Variants in USH2A observed in about 807,000 individuals in gnomAD.
USH2A encodes the protein Usher syndrome 2A (autosomal recessive, mild).
A neutral mutation model predicts 538.9 loss-of-function variants in USH2A; 443 were observed. That is an observed-to-expected ratio of 0.82 (90% CI 0.76 to 0.89). The LOEUF (loss-of-function observed/expected upper bound fraction) is 0.89, where lower values mean the gene tolerates loss of function less well. Among genes scored for constraint, USH2A ranks in the 40% least tolerant of loss-of-function variants. USH2A has a pLI of 0.00. For synonymous variants in USH2A, 2,413 were observed against 2,273.5 expected, an observed-to-expected ratio of 1.06 and a Z score of -1.75; for missense variants, 6,633 against 6,324.8, an observed-to-expected ratio of 1.05 and a Z score of -1.65.
At chr1:215,927,435 A>G (rs1165748407) in intron 38 of USH2A, among the ~76,000 whole-genome samples, 1 of 152,154 alleles carries the variant, frequency 6.6e-6, no homozygotes, top group Non-Finnish European at 1.5e-5. Context: ...ACTTGGCCCT[A>G]TATAACAAGA....
At chr1:215,933,905 C>A (rs1666426900) in intron 38 of USH2A, among the ~76,000 whole-genome samples, 1 of 152,002 alleles carries the variant, frequency 6.6e-6, no homozygotes, top group Non-Finnish European at 1.5e-5. Flanking sequence ...CCATCCATGT[C>A]AACCCTAGAG....
At chr1:216,066,215 A>G (rs188537909) in intron 30 of USH2A, among the ~76,000 whole-genome samples, 14 of 152,170 alleles carry the variant, frequency 9.2e-5, no homozygotes, top group Non-Finnish European at 1.6e-4. Context: ...TCACGCCTGT[A>G]ATCCCAGCAC....
chr1:216,260,290 G>A (rs761538005), intron 11 of USH2A, among the ~76,000 whole-genome samples: 10 of 152,156 alleles, frequency 6.6e-5, no homozygotes, highest in Non-Finnish European at 1.3e-4. Context: ...TACAGCTTGA[G>A]TGCTAGCTGA....
At chr1:215,630,226 C>G (rs1363023058) in intron 70 of USH2A, 1 of 460,960 alleles carries the variant, frequency 2.2e-6, no homozygotes, top group Non-Finnish European at 4.4e-6. Flanking sequence ...GGTGACATTG[C>G]TTGACACATC....
intron 3 of USH2A, among the ~76,000 whole-genome samples, chr1:216,411,547 C>T (rs887409933): frequency 7.2e-5 from 11 of 152,256 alleles, no homozygotes; most frequent in African/African-American, 2.4e-4. Flanking sequence ...CAGACAGAGG[C>T]TGGAGTGATG....
At chr1:216,084,652 G>T (rs1476042461) in intron 25 of USH2A, 46 bp downstream of exon 25, 23 of 1,595,572 alleles carry the variant, frequency 1.4e-5, no homozygotes, top group Non-Finnish European at 1.9e-5. Context: ...ACAAAGGATA[G>T]AACATAGATT....
Position 215,884,095 on chromosome 1 carries a change from C to A in USH2A, c.8223+4331G>T, listed in dbSNP as rs1328397332. 2.6e-5 allele frequency among the ~76,000 whole-genome samples: 4 copies of A among 152,180 alleles called. No individual in the cohort carries two copies. The East Asian group carries it at 5.8e-4, about 22-fold the overall frequency. ...GGGTGGAGGGTAACGGGAGGGAGAGCATTAGGACAAATAACTAATGCATGC... is the reference window on the plus strand; with the variant it reads ...GGGTGGAGGGTAACGGGAGGGAGAGAATTAGGACAAATAACTAATGCATGC... On this transcript the variant is annotated intron_variant, in intron 41 of 71. Transcript: ENST00000307340.
Position 216,089,023 on chromosome 1 carries a change from C to T in USH2A, c.4875G>A (p.Gly1625=), listed in dbSNP as rs779081953. The T allele has an allele frequency of 1.9e-6, 3 of 1,613,334 alleles. No homozygotes were observed. In the South Asian group the frequency reaches 3.3e-5, roughly 18 times the overall value. The change falls in exon 23 of 72, where the codon GGG becomes GGA. Residue 1625 remains glycine, a synonymous_variant. Transcript: ENST00000307340. ...TCAAAAAGTACTTACCTGTATATAT[C>T]CCATCCAGAGTGATTTGGCCAAAAG... The part of the protein sequence containing the change: ...HQAFGQITLD[G]IYTGSSAILN...
At chr1:216,180,701 A>G (rs1239108607) in intron 20 of USH2A, among the ~76,000 whole-genome samples, 1 of 152,114 alleles carries the variant, frequency 6.6e-6, no homozygotes, top group East Asian at 1.9e-4. Flanking sequence ...TATGATGATG[A>G]CAAGAATTTA....
intron 64 of USH2A, among the ~76,000 whole-genome samples, chr1:215,657,952 CAG>C (rs1657314958): frequency 1.6e-5 from 2 of 127,940 alleles, no homozygotes; most frequent in African/African-American, 3.0e-5. Flanking sequence ...TTTTTTGAGA[CAG>C]AGTCTCTCTC....
intron 11 of USH2A, among the ~76,000 whole-genome samples, chr1:216,261,110 C>T (rs370685482): frequency 3.3e-5 from 5 of 151,250 alleles, no homozygotes; most frequent in Non-Finnish European, 5.9e-5. Context: ...ATGACAGAAA[C>T]AAAAATAAAG....
intron 21 of USH2A, among the ~76,000 whole-genome samples, chr1:216,158,888 A>AT (rs1258923561): frequency 2.6e-5 from 4 of 152,088 alleles, no homozygotes; most frequent in Non-Finnish European, 4.4e-5. Flanking sequence ...TCTCACAGTA[A>AT]TTTTTTGTAG....
At chr1:215,770,193 T>C (rs959254070) in intron 55 of USH2A, among the ~76,000 whole-genome samples, 1 of 152,086 alleles carries the variant, frequency 6.6e-6, no homozygotes, top group East Asian at 1.9e-4. Flanking sequence ...GACTGAGGAG[T>C]GCATAGATGA....
chr1:215,844,506 A>G lies in USH2A; in HGVS notation c.9056-10T>C. 6.2e-7 allele frequency: 1 copy of G among 1,605,744 alleles called. No homozygotes were observed. ...AGCATGCCCTGAGGCTCTAGAATTA[A>G]AGGAAGAAACTGAATAAACTCCAGC... On this transcript the variant is annotated splice_polypyrimidine_tract_variant and intron_variant, in intron 45 of 71. Coordinates refer to ENST00000307340, the MANE Select transcript of USH2A (RefSeq NM_206933.4).
rs541150482 is a variant in USH2A, at chr1:215,709,680, T to C, written c.12066+18350A>G. ...AAAAAAAAAAAAAAAACTCATTCCC[T>C]TGACTAATTTCCCAGTGGGAAGTGC... On this transcript the variant is annotated intron_variant, in intron 61 of 71. Transcript: ENST00000307340. Among the ~76,000 whole-genome samples, 28 of 150,292 alleles carry C rather than the reference T, an allele frequency of 1.9e-4. No homozygotes were observed. The South Asian group carries it at 5.2e-3, about 28-fold the overall frequency.
chr1:216,232,047 TC>T lies in USH2A; in HGVS notation c.2898del (p.Thr967LeufsTer44), dbSNP rs397518008. On this transcript the variant is annotated frameshift_variant, in exon 14 of 72. Transcript: ENST00000307340. LOFTEE classifies it high-confidence loss of function. ...TGAVNHICNS[L>X]TGQCVCQDAS... is the part of the protein sequence containing the mutation. ...GCATCTTGGCAAACACACTGACCAG[TC>T]AGGCTATTACAGATGTGATTAACTG... The T allele has an allele frequency of 6.2e-7, 1 of 1,614,064 alleles. No individual in the cohort carries two copies. The highest frequency in any genetic ancestry group is 8.5e-7 in the Non-Finnish European group (1 of 1,179,942).
At chr1:216,169,229 A>G (rs1298151613) in intron 21 of USH2A, among the ~76,000 whole-genome samples, 1 of 152,128 alleles carries the variant, frequency 6.6e-6, no homozygotes, top group Non-Finnish European at 1.5e-5. Context: ...TTTAACAGTG[A>G]TGGACAAAAA....
At chr1:215,815,041 A>G (rs1662819682) in intron 48 of USH2A, among the ~76,000 whole-genome samples, 1 of 152,140 alleles carries the variant, frequency 6.6e-6, no homozygotes, top group Non-Finnish European at 1.5e-5. Context: ...CCGCAATACA[A>G]GTCTCTTTTC....
At position 215,888,539 on chromosome 1, in the gene USH2A, T is replaced by C; in HGVS notation, c.8110A>G (p.Thr2704Ala). ...CTGCTGTTTGTGCCTCCATGAAGAG[T>C]GCTCATCAGTACCCGATATTCATAT... Reference protein sequence around the residue: ...TKYEYRVLMSTLHGGTNSSAW... With the variant: ...TKYEYRVLMSALHGGTNSSAW... The change falls in exon 41 of 72, where the codon ACT (threonine) becomes GCT (alanine). Residue 2704 changes from threonine to alanine, a missense_variant. Thr to Ala is a moderately conservative substitution (Grantham distance 58). Coordinates refer to ENST00000307340, the MANE Select transcript of USH2A (RefSeq NM_206933.4). The C allele has an allele frequency of 1.2e-6, 2 of 1,614,120 alleles. No individual in the cohort carries two copies. The highest frequency in any genetic ancestry group is 1.7e-6 in the Non-Finnish European group (2 of 1,180,022).
Sources: allele counts gnomAD v4.1 joint callset (sites outside exome capture counted in the v4.1 genomes callset), GRCh38; gene constraint gnomAD v4.1.1; transcripts MANE v1.5; gene names NCBI Gene and HGNC (gene_info 2026-07-23, HGNC 2026-07-21).